PALLD: variants seen among roughly 807,000 people sequenced by gnomAD.
The protein encoded by PALLD is palladin.
PALLD carries 61 observed loss-of-function variants against 123.5 expected under a neutral mutation model. That is an observed-to-expected ratio of 0.49 (90% CI 0.40 to 0.61). The LOEUF (loss-of-function observed/expected upper bound fraction) is 0.61, where lower values mean the gene tolerates loss of function less well. Ranked by LOEUF, PALLD falls within the 20% of genes least tolerant of loss-of-function variation. The probability of loss-of-function intolerance (pLI) is 0.00; values close to 1 mark genes in which losing one functional copy is unlikely to be tolerated. For synonymous variants in PALLD, 465 were observed against 496.4 expected, an observed-to-expected ratio of 0.94 and a Z score of 0.84; for missense variants, 1,273 against 1,377.0, an observed-to-expected ratio of 0.92 and a Z score of 1.20.
intron 2 of PALLD, among the ~76,000 whole-genome samples, chr4:168,653,810 C>G (rs1278140427): frequency 6.6e-6 from 1 of 152,242 alleles, no homozygotes; most frequent in East Asian, 1.9e-4. Flanking sequence ...ACGCCATTCT[C>G]CTGCCTCAGC....
At chr4:168,883,075 C>CAA (rs74629689) in intron 10 of PALLD, among the ~76,000 whole-genome samples, 81,225 of 144,440 alleles carry the variant, frequency 0.56, 24,952 homozygotes, top group East Asian at 0.88. Flanking sequence ...GGTGACAGAG[C>CAA]AAAACTCTGT....
rs529658293 is a variant in PALLD at position 168,636,148 on chromosome 4, G to A, written c.909-32042G>A. 3.3e-5 allele frequency among the ~76,000 whole-genome samples: 5 copies of A among 152,238 alleles called. No individual in the cohort carries two copies. The South Asian group carries it at 1.0e-3, about 32-fold the overall frequency. ...CTCTAGAGGTTAATGACTTGCTCAA[G>A]GTCACAAAGCATGTGAGTGGTAGAA... On this transcript the variant is annotated intron_variant, in intron 2 of 21. Coordinates refer to ENST00000505667, the MANE Select transcript of PALLD (RefSeq NM_001166108.2).
At position 168,898,373 on chromosome 4, in the gene PALLD, G is replaced by GTTT. The variant is rs1284978035; in HGVS notation, c.2251-117_2251-115dup. 1.1e-5 allele frequency: 8 copies of GTTT among 731,128 alleles called. 1 individual carries two copies. In the Admixed American group the frequency reaches 1.4e-4, roughly 13 times the overall value. The allele number at this position is 731,128 out of a possible 1,614,324, so 45.3% of individuals were successfully genotyped here. A position where few individuals can be genotyped will look rare whatever the true frequency, so the allele number is the denominator to read the frequency against. On this transcript the variant is annotated intron_variant, in intron 13 of 21. Coordinates refer to ENST00000505667, the MANE Select transcript of PALLD (RefSeq NM_001166108.2). ...TGCAATTGAATTGGGCTCAGACTGTGTTTTTAAGCTGTATGGTAAAAATAT... is the reference window on the plus strand; with the variant it reads ...TGCAATTGAATTGGGCTCAGACTGTGTTTTTTTTAAGCTGTATGGTAAAAATAT...
intron 4 of PALLD, among the ~76,000 whole-genome samples, 167 bp from the exon 5 acceptor site, chr4:168,682,831 T>C (rs1430129086): frequency 1.3e-5 from 2 of 152,076 alleles, no homozygotes; most frequent in Non-Finnish European, 2.9e-5. Flanking sequence ...CTGTAGGTTA[T>C]GCATTCCCAT....
chr4:168,763,086 G>T (rs2150454442), intron 10 of PALLD, among the ~76,000 whole-genome samples: 1 of 152,214 alleles, frequency 6.6e-6, no homozygotes, highest in South Asian at 2.1e-4. Context: ...ACAGGTTGAT[G>T]GGTGCAGCAA....
chr4:168,659,514 A>G (rs527718982), intron 2 of PALLD, among the ~76,000 whole-genome samples: 1 of 152,328 alleles, frequency 6.6e-6, no homozygotes, highest in African/African-American at 2.4e-5. Context: ...AAATCAGTGA[A>G]GTTGTGAGGA....
chr4:168,578,273 G>T (rs1003232096), intron 2 of PALLD, among the ~76,000 whole-genome samples: 2 of 151,058 alleles, frequency 1.3e-5, no homozygotes, highest in Admixed American at 6.6e-5. Context: ...GGTTCAGCTG[G>T]GTCCCCACCT....
rs930573238 is a variant in PALLD, at chr4:168,869,330, A to T, written c.1965-21592A>T. 6.6e-6 allele frequency among the ~76,000 whole-genome samples: 1 copy of T among 152,140 alleles called. No homozygotes were observed. Among genetic ancestry groups the T allele is most frequent in the Non-Finnish European group, 1.5e-5 (1 of 68,020 alleles). On this transcript the variant is annotated intron_variant, in intron 10 of 21. Coordinates refer to ENST00000505667, the MANE Select transcript of PALLD (RefSeq NM_001166108.2). This position sits in a 1 kb window ranked among gnomAD's most constrained non-coding sequence, Gnocchi z 4.5. ...GCGATCTGGGCTGGTGTGTGAGATGATAATGCCACTGCCAAACTGACAGTG... is the reference window on the plus strand; with the variant it reads ...GCGATCTGGGCTGGTGTGTGAGATGTTAATGCCACTGCCAAACTGACAGTG...
At chr4:168,615,778 C>T (rs188307817) in intron 2 of PALLD, among the ~76,000 whole-genome samples, 6 of 152,218 alleles carry the variant, frequency 3.9e-5, no homozygotes, top group Admixed American at 6.5e-5. Flanking sequence ...GTAACCATTC[C>T]GAATCCCACC....
chr4:168,534,539 T>C (rs753809093), intron 2 of PALLD, among the ~76,000 whole-genome samples: 15 of 152,242 alleles, frequency 9.9e-5, no homozygotes, highest in Non-Finnish European at 1.9e-4. Context: ...ACTTTTCTAA[T>C]ATGCATTATG....
chr4:168,602,604 G>A (rs1384297565), intron 2 of PALLD, among the ~76,000 whole-genome samples: 2 of 152,140 alleles, frequency 1.3e-5, no homozygotes, highest in Non-Finnish European at 1.5e-5. Flanking sequence ...GATAAGTTTG[G>A]CTTTGCTCTA....
intron 10 of PALLD, chr4:168,831,947 C>T (rs1054706298): frequency 6.4e-6 from 6 of 943,972 alleles, no homozygotes; most frequent in Non-Finnish European, 7.6e-6. Context: ...ACCTGGGGGC[C>T]GCGTCCCAGA....
At position 168,575,467 on chromosome 4, in the gene PALLD, T is replaced by G. The variant is rs190765337; in HGVS notation, c.908+63055T>G. On this transcript the variant is annotated intron_variant, in intron 2 of 21. Transcript: ENST00000505667. ...AACAGCATGGGGGAAACCGCCCCCA[T>G]GATCCAATCATCTCCCTCCCTCAAC... Among the ~76,000 whole-genome samples the G allele has an allele frequency of 3.3e-3, 501 of 152,152 alleles. 3 individuals are homozygous for G. Among genetic ancestry groups the G allele is most frequent in the African/African-American group, 0.011 (468 of 41,530 alleles).
chr4:168,579,624 T>C (rs753823460), intron 2 of PALLD, among the ~76,000 whole-genome samples: 30 of 152,006 alleles, frequency 2.0e-4, no homozygotes, highest in Non-Finnish European at 2.9e-5. Flanking sequence ...AATATGAGAA[T>C]CATGTTTATG....
chr4:168,638,433 CA>C (rs747711418), intron 2 of PALLD, among the ~76,000 whole-genome samples: 1 of 152,188 alleles, frequency 6.6e-6, no homozygotes, highest in Non-Finnish European at 1.5e-5. Flanking sequence ...GCAGGCCTTC[CA>C]GGGGGTCTCC....
chr4:168,597,589 T>C (rs1772125107), intron 2 of PALLD, among the ~76,000 whole-genome samples: 2 of 152,094 alleles, frequency 1.3e-5, no homozygotes, highest in South Asian at 2.1e-4. Context: ...CATGCAACAA[T>C]GTTATAATAC....
chr4:168,646,095 C>A (rs1404387338), intron 2 of PALLD, among the ~76,000 whole-genome samples: 1 of 152,158 alleles, frequency 6.6e-6, no homozygotes, highest in Non-Finnish European at 1.5e-5. Flanking sequence ...CTCCTGGCTG[C>A]TGTTCAAGGG....
intron 10 of PALLD, among the ~76,000 whole-genome samples, chr4:168,873,147 AC>A: frequency 6.6e-6 from 1 of 152,300 alleles, no homozygotes; most frequent in African/African-American, 2.4e-5. Context: ...TGCCTGATGA[AC>A]CCAATGGGGT....
At chr4:168,831,745 A>G (rs1351381110) in intron 10 of PALLD, among the ~76,000 whole-genome samples, 2 of 152,158 alleles carry the variant, frequency 1.3e-5, no homozygotes, top group Non-Finnish European at 2.9e-5. Context: ...CAAACACCGG[A>G]GGAGAATCAT....
Sources: allele counts gnomAD v4.1 joint callset (sites outside exome capture counted in the v4.1 genomes callset), GRCh38; gene constraint gnomAD v4.1.1; non-coding constraint Gnocchi (gnomAD v3.1); transcripts MANE v1.5; gene names NCBI Gene and HGNC (gene_info 2026-07-23, HGNC 2026-07-21).